Variants in CD58 observed in about 807,000 individuals in gnomAD.
CD58 encodes the protein lymphocyte function-associated antigen 3.
A neutral mutation model predicts 27.6 loss-of-function variants in CD58; 14 were observed. The ratio of observed to expected loss-of-function variants is 0.51; its 90% CI spans 0.34 to 0.79. The LOEUF is 0.79. Ranked by LOEUF, CD58 falls within the 30% of genes least tolerant of loss-of-function variation. The pLI, the probability that CD58 is intolerant of heterozygous loss-of-function variation, is 0.02. For missense variants in CD58, 268 were observed against 301.7 expected, an observed-to-expected ratio of 0.89 and a Z score of 0.83; for synonymous variants, 117 against 103.8, an observed-to-expected ratio of 1.13 and a Z score of -0.77.
intron 1 of CD58, among the ~76,000 whole-genome samples, chr1:116,549,182 T>C (rs1177742786): frequency 1.3e-5 from 2 of 152,196 alleles, no homozygotes; most frequent in African/African-American, 4.8e-5. Context: ...AGAGTTGACA[T>C]TCTATTAGGG....
rs1445636940 is a variant in CD58, at chr1:116,570,950, C to T, written c.23G>A (p.Gly8Glu). The T allele has an allele frequency of 1.3e-6, 2 of 1,564,876 alleles. No homozygotes were observed. The highest frequency in any genetic ancestry group is 2.3e-5 in the East Asian group (1 of 42,768). MVAGSDA[G>E]RALGVLSVVC... ...CACGCTGAGGACCCCCAGGGCCCGC[C>T]CCGCGTCGCTCCCAGCAACCATGGC... Residue 8 changes from glycine to glutamate, a missense_variant, in exon 1 of 6, where the codon GGG (glycine) becomes GAG (glutamate). Gly to Glu is a moderately conservative substitution (Grantham distance 98). Transcript: ENST00000369489. The surrounding 1 kb of genome is among the most constrained non-coding windows in gnomAD (Gnocchi z 6.4).
Position 116,544,494 on chromosome 1 carries a change from C to T in CD58, c.181G>A (p.Asp61Asn). 6.2e-7 allele frequency: 1 copy of T among 1,614,016 alleles called. No individual in the cohort carries two copies. The highest frequency in any genetic ancestry group is 8.5e-7 in the Non-Finnish European group (1 of 1,179,956). The change falls in exon 2 of 6, where the codon GAT (aspartate) becomes AAT (asparagine). Residue 61 changes from aspartate to asparagine, a missense_variant. Asp to Asn is a conservative substitution (Grantham distance 23). Transcript: ENST00000369489. ...GAATTTTCCAGTTCTGCAACTTTAT[C>T]CTTTTGTTTTTTCCATAGGACCTCT... ...LKEVLWKKQKDKVAELENSEF... is the reference protein window; with the variant it reads ...LKEVLWKKQKNKVAELENSEF...
At chr1:116,533,130 C>A in intron 3 of CD58, 2 of 753,064 alleles carry the variant, frequency 2.7e-6, no homozygotes, top group Admixed American at 1.8e-5. Flanking sequence ...GAAAAAGTGT[C>A]CAATTTCAAA....
intron 5 of CD58, chr1:116,518,951 A>G (rs1657170801): frequency 1.0e-5 from 10 of 962,936 alleles, no homozygotes; most frequent in Non-Finnish European, 1.4e-5. Context: ...CTTGACTTCT[A>G]TGAATCTCAT....
chr1:116,548,251 T>C (rs1005381812), intron 1 of CD58, among the ~76,000 whole-genome samples: 13 of 152,242 alleles, frequency 8.5e-5, no homozygotes, highest in African/African-American at 3.1e-4. Flanking sequence ...ACTTTGTGGG[T>C]TGTGTGTTTA....
chr1:116,520,154 T>C (rs949683412), intron 4 of CD58, among the ~76,000 whole-genome samples: 4 of 152,212 alleles, frequency 2.6e-5, no homozygotes, highest in African/African-American at 4.8e-5. Context: ...TGAGACAGGG[T>C]CTCACTCCAT....
chr1:116,561,809 C>T (rs1658765649), intron 1 of CD58, among the ~76,000 whole-genome samples: 1 of 152,196 alleles, frequency 6.6e-6, no homozygotes, highest in Non-Finnish European at 1.5e-5. Context: ...ACTGAACCTA[C>T]CTAAGCTTTG....
rs1162683049 is a variant in CD58, at chr1:116,536,352, G to T, written c.365-124C>A. On this transcript the variant is annotated intron_variant, in intron 2 of 5. Coordinates refer to ENST00000369489, the MANE Select transcript of CD58 (RefSeq NM_001779.3). This position sits in a 1 kb window ranked among gnomAD's most constrained non-coding sequence, Gnocchi z 5.4. ...AAGGATGAGCAGACAAACTCCTTGA[G>T]CATCAAGGAGCGAGAATTCTTTCTT... 3.1e-6 allele frequency: 2 copies of T among 642,482 alleles called. No individual in the cohort carries two copies. Among genetic ancestry groups the T allele is most frequent in the East Asian group, 5.5e-5 (2 of 36,378 alleles). The allele number at this position is 642,482 out of a possible 1,614,324, so 39.8% of individuals were successfully genotyped here.
chr1:116,524,188 T>C lies in CD58; in HGVS notation c.629-2205A>G, dbSNP rs951133073. ...AATCAGCCAACTGTCCCAAAGGCCC[T>C]AGTTCATTTTCATGGGAAATGATAA... On this transcript the variant is annotated intron_variant, in intron 3 of 5. Coordinates refer to ENST00000369489, the MANE Select transcript of CD58 (RefSeq NM_001779.3). The surrounding 1 kb of genome is among the most constrained non-coding windows in gnomAD (Gnocchi z 4.6). Among the ~76,000 whole-genome samples, 1 of 152,214 alleles carries C rather than the reference T, an allele frequency of 6.6e-6. No individual in the cohort carries two copies. Among genetic ancestry groups the C allele is most frequent in the African/African-American group, 2.4e-5 (1 of 41,454 alleles).
Position 116,519,128 on chromosome 1 carries a change from A to T in CD58, c.743+103T>A. 2.6e-6 allele frequency: 4 copies of T among 1,566,742 alleles called. No individual in the cohort carries two copies. The highest frequency in any genetic ancestry group is 3.5e-6 in the Non-Finnish European group (4 of 1,153,566). On this transcript the variant is annotated intron_variant, in intron 5 of 5. Transcript: ENST00000369489. The surrounding 1 kb of genome is among the most constrained non-coding windows in gnomAD (Gnocchi z 4.7). ...TGATGTTACTTCTTATTACTGTACA[A>T]GGCAACCAACAGATGAGTACAATCT...
chr1:116,559,317 A>G lies in CD58; in HGVS notation c.70+11586T>C, dbSNP rs1658678306. 6.6e-6 allele frequency among the ~76,000 whole-genome samples: 1 copy of G among 152,188 alleles called. No individual in the cohort carries two copies. The highest frequency in any genetic ancestry group is 1.5e-5 in the Non-Finnish European group (1 of 68,024). Reference sequence around the variant, plus strand: ...ACTTGGTTGATAGAGAAGGTCAAAGATTCCGAAGCACCAGGCTACAGATGA... The same window carrying G: ...ACTTGGTTGATAGAGAAGGTCAAAGGTTCCGAAGCACCAGGCTACAGATGA... On this transcript the variant is annotated intron_variant, in intron 1 of 5. Transcript: ENST00000369489. This position sits in a 1 kb window ranked among gnomAD's most constrained non-coding sequence, Gnocchi z 4.4.
rs1443477438 is a variant in CD58, at chr1:116,527,926, G to T, written c.629-5943C>A. On this transcript the variant is annotated intron_variant, in intron 3 of 5. Coordinates refer to ENST00000369489, the MANE Select transcript of CD58 (RefSeq NM_001779.3). This position sits in a 1 kb window ranked among gnomAD's most constrained non-coding sequence, Gnocchi z 4.4. ...TACAGACACATGCCACAACACCTCA[G>T]TAACTTTTTAATTTTTAGTAGAGAT... Among the ~76,000 whole-genome samples, 2 of 152,070 alleles carry T rather than the reference G, an allele frequency of 1.3e-5. No homozygotes were observed. Among genetic ancestry groups the T allele is most frequent in the Non-Finnish European group, 2.9e-5 (2 of 67,978 alleles).
At chr1:116,537,275 TG>T (rs1489441686) in intron 2 of CD58, among the ~76,000 whole-genome samples, 4 of 152,184 alleles carry the variant, frequency 2.6e-5, no homozygotes, top group African/African-American at 9.7e-5. Flanking sequence ...TATATAGGAA[TG>T]AAGTAAATAC....
rs570141921 is a variant in CD58, at chr1:116,570,343, A to G, written c.70+560T>C. Among the ~76,000 whole-genome samples the G allele has an allele frequency of 7.9e-5, 12 of 152,326 alleles. No homozygotes were observed. Among genetic ancestry groups the G allele is most frequent in the Non-Finnish European group, 1.5e-4 (10 of 68,020 alleles). On this transcript the variant is annotated intron_variant, in intron 1 of 5. Coordinates refer to ENST00000369489, the MANE Select transcript of CD58 (RefSeq NM_001779.3). This position sits in a 1 kb window ranked among gnomAD's most constrained non-coding sequence, Gnocchi z 6.4. Reference sequence around the variant, plus strand: ...CGCACCACTTAGGAATCCCAACGTGAGGCCGCTGCCGACTGGGCTTCCTAG... The same window carrying G: ...CGCACCACTTAGGAATCCCAACGTGGGGCCGCTGCCGACTGGGCTTCCTAG...
At chr1:116,558,899 G>C (rs1038382946) in intron 1 of CD58, among the ~76,000 whole-genome samples, 1 of 152,126 alleles carries the variant, frequency 6.6e-6, no homozygotes, top group Non-Finnish European at 1.5e-5. Flanking sequence ...TCATTTATTT[G>C]TTCATCAAAT....
Position 116,515,346 on chromosome 1 carries a change from C to T in CD58, c.744-524G>A, listed in dbSNP as rs182263232. On this transcript the variant is annotated intron_variant, in intron 5 of 5. Transcript: ENST00000369489. The surrounding 1 kb of genome is among the most constrained non-coding windows in gnomAD (Gnocchi z 4.6). Reference sequence around the variant, plus strand: ...GAGTCCATTTCCCGGCCTCCTCCCCCGTGGTCTGCGTATTTCCACAGAGCT... The same window carrying T: ...GAGTCCATTTCCCGGCCTCCTCCCCTGTGGTCTGCGTATTTCCACAGAGCT... Among the ~76,000 whole-genome samples the T allele has an allele frequency of 6.6e-6, 1 of 152,336 alleles. No homozygotes were observed. Among genetic ancestry groups the T allele is most frequent in the East Asian group, 1.9e-4 (1 of 5,182 alleles).
chr1:116,520,397 G>A (rs1657228860), intron 4 of CD58, among the ~76,000 whole-genome samples: 1 of 149,432 alleles, frequency 6.7e-6, no homozygotes, highest in Non-Finnish European at 1.5e-5. Flanking sequence ...ACAGGCATGA[G>A]CCACCATGCC....
chr1:116,533,432 T>C lies in CD58; in HGVS notation c.628+2533A>G, dbSNP rs562952177. The C allele has an allele frequency of 1.8e-5, 14 of 767,626 alleles. No homozygotes were observed. The East Asian group carries it at 3.5e-4, about 19-fold the overall frequency. The allele number at this position is 767,626 out of a possible 1,614,324, so 47.6% of individuals were successfully genotyped here. On this transcript the variant is annotated intron_variant, in intron 3 of 5. Transcript: ENST00000369489. ...TCATCTTGCAGGTTTTTGTCAGGACTGAGTTGGCAAAGCAGTCATTGGGTT... is the reference window on the plus strand; with the variant it reads ...TCATCTTGCAGGTTTTTGTCAGGACCGAGTTGGCAAAGCAGTCATTGGGTT...
chr1:116,542,522 T>C (rs1025924028), intron 2 of CD58, among the ~76,000 whole-genome samples: 1 of 152,202 alleles, frequency 6.6e-6, no homozygotes, highest in Non-Finnish European at 1.5e-5. Context: ...TAAGTGAATA[T>C]GGACAACTTC....
Sources: allele counts gnomAD v4.1 joint callset (sites outside exome capture counted in the v4.1 genomes callset), GRCh38; gene constraint gnomAD v4.1.1; non-coding constraint Gnocchi (gnomAD v3.1); transcripts MANE v1.5; gene names NCBI Gene and HGNC (gene_info 2026-07-23, HGNC 2026-07-21).